The following C4orf51 variants were observed in gnomAD, a reference collection of about 807,000 sequenced individuals.
C4orf51 encodes uncharacterized protein C4orf51.
In C4orf51, 25 loss-of-function variants were observed where a neutral mutation model predicts 25.2. The ratio of observed to expected loss-of-function variants is 0.99; its 90% CI spans 0.72 to 1.39. The LOEUF is 1.39. Ranked by LOEUF, C4orf51 falls within the 40% of genes most tolerant of loss-of-function variation. C4orf51 has a pLI of 0.00. For synonymous variants in C4orf51, 100 were observed against 84.5 expected (o/e 1.18, Z -1.01); for missense variants, 252 against 239.6 (o/e 1.05, Z -0.34).
chr4:145,765,830 C>A lies in C4orf51; in HGVS notation n.167-5158C>A. ...GGTGACGAGTTGAGTCTCATGGATGCATCATCATTCTGGGGGCACAGGCTC... is the reference window on the plus strand; with the variant it reads ...GGTGACGAGTTGAGTCTCATGGATGAATCATCATTCTGGGGGCACAGGCTC... On this transcript the variant is annotated intron_variant and non_coding_transcript_variant, in intron 1 of 1. Coordinates refer to the C4orf51 transcript ENST00000510096. The surrounding 1 kb of genome is among the most constrained non-coding windows in gnomAD (Gnocchi z 4.7). The A allele has an allele frequency of 7.6e-7, 1 of 1,310,196 alleles. No homozygotes were observed. Among genetic ancestry groups the A allele is most frequent in the Non-Finnish European group, 1.0e-6 (1 of 954,794 alleles). The allele number at this position is 1,310,196 out of a possible 1,614,324, so 81.2% of individuals were successfully genotyped here.
chr4:145,761,126 C>T lies in C4orf51; in HGVS notation n.167-9862C>T. On this transcript the variant is annotated intron_variant and non_coding_transcript_variant, in intron 1 of 1. Coordinates refer to the C4orf51 transcript ENST00000510096. The surrounding 1 kb of genome is among the most constrained non-coding windows in gnomAD (Gnocchi z 6.8). ...GAGCTCCCGACCACCAGGAGCGGGG[C>T]CCCCGGGCCGGCCGGTTCCTTGGGG... 1 of 1,289,492 alleles carries T rather than the reference C, an allele frequency of 7.8e-7. No individual in the cohort carries two copies. The highest frequency in any genetic ancestry group is 1.0e-6 in the Non-Finnish European group (1 of 988,644). The allele number at this position is 1,289,492 out of a possible 1,614,324, so 79.9% of individuals were successfully genotyped here. A position where few individuals can be genotyped will look rare whatever the true frequency, so the allele number is the denominator to read the frequency against.
At chr4:145,710,821 C>G (rs903342075) in intron 2 of C4orf51, among the ~76,000 whole-genome samples, 3 of 151,936 alleles carry the variant, frequency 2.0e-5, no homozygotes, top group African/African-American at 7.3e-5. Flanking sequence ...GTAGGGAGCC[C>G]TCTCCTGTTC....
At position 145,748,932 on chromosome 4, in the gene C4orf51, G is replaced by C. The variant is rs542034326; in HGVS notation, n.168-5275G>C. Among the ~76,000 whole-genome samples, 21 of 152,030 alleles carry C rather than the reference G, an allele frequency of 1.4e-4. No individual in the cohort carries two copies. In the South Asian group the frequency reaches 4.1e-3, roughly 30 times the overall value. ...TTCAATGTTTAGTTGTTAATTTTCT[G>C]TCTGGAAGATATATCCAACGCTGAA... On this transcript the variant is annotated intron_variant and non_coding_transcript_variant, in intron 1 of 1. Transcript: ENST00000508981.
chr4:145,742,787 G>T (rs1367748212), intron 1 of C4orf51, among the ~76,000 whole-genome samples: 1 of 152,012 alleles, frequency 6.6e-6, no homozygotes, highest in Admixed American at 6.5e-5. Context: ...TGATCTACCC[G>T]CCTCGGCCTC....
chr4:145,761,329 C>G lies in C4orf51; in HGVS notation n.167-9659C>G. The G allele has an allele frequency of 7.8e-7, 1 of 1,289,956 alleles. No homozygotes were observed. The highest frequency in any genetic ancestry group is 1.0e-6 in the Non-Finnish European group (1 of 988,894). The allele number at this position is 1,289,956 out of a possible 1,614,324, so 79.9% of individuals were successfully genotyped here. A position where few individuals can be genotyped will look rare whatever the true frequency, so the allele number is the denominator to read the frequency against. On this transcript the variant is annotated intron_variant and non_coding_transcript_variant, in intron 1 of 1. Coordinates refer to the C4orf51 transcript ENST00000510096. The surrounding 1 kb of genome is among the most constrained non-coding windows in gnomAD (Gnocchi z 6.8). Reference sequence around the variant, plus strand: ...GTTGAGATTGTCCTTGCGCTTGCAGCTGTAGCTGCACTGGTCACAGTGGAA... The same window carrying G: ...GTTGAGATTGTCCTTGCGCTTGCAGGTGTAGCTGCACTGGTCACAGTGGAA...
In C4orf51 at chr4:145,742,140, C is replaced by T. The variant is rs529920182; in HGVS notation, n.167+9521C>T. ...TCTAACCTGTCATTGAATCTGCATCCTTAAAGATCACCAATGGCCATCAAA... is the reference window on the plus strand; with the variant it reads ...TCTAACCTGTCATTGAATCTGCATCTTTAAAGATCACCAATGGCCATCAAA... On this transcript the variant is annotated intron_variant and non_coding_transcript_variant, in intron 1 of 1. Coordinates refer to the C4orf51 transcript ENST00000508981. Among the ~76,000 whole-genome samples, 3 of 152,332 alleles carry T rather than the reference C, an allele frequency of 2.0e-5. No homozygotes were observed. In the East Asian group the frequency reaches 5.8e-4, roughly 29 times the overall value.
At chr4:145,692,524 A>C (rs899768134) in intron 1 of C4orf51, among the ~76,000 whole-genome samples, 3 of 152,178 alleles carry the variant, frequency 2.0e-5, no homozygotes, top group African/African-American at 7.2e-5. Flanking sequence ...TGCACTTTTA[A>C]ATTCATACGC....
chr4:145,751,501 G>A (rs1295033904), intron 1 of C4orf51, among the ~76,000 whole-genome samples: 1 of 152,194 alleles, frequency 6.6e-6, no homozygotes, highest in East Asian at 1.9e-4. Flanking sequence ...GTCTCTGTGT[G>A]TGTTCTGAGC....
the C4orf51 span, among the ~76,000 whole-genome samples, chr4:145,788,584 A>G: frequency 3.9e-5 from 6 of 152,266 alleles, no homozygotes; most frequent in African/African-American, 1.4e-4. Flanking sequence ...CTTATTGAAT[A>G]AATGATATAA....
intron 3 of C4orf51, among the ~76,000 whole-genome samples, chr4:145,727,908 T>TAG (rs1732163048): frequency 1.9e-5 from 2 of 107,990 alleles, no homozygotes; most frequent in Middle Eastern, 4.4e-3. Context: ...TATATATATA[T>TAG]ATATATATAT....
downstream of C4orf51, among the ~76,000 whole-genome samples, chr4:145,773,110 G>GA (rs1274935736): frequency 6.6e-6 from 1 of 151,712 alleles, no homozygotes; most frequent in African/African-American, 2.4e-5. Flanking sequence ...ACAGAAAGGA[G>GA]AAAAAAAAGA....
intron 2 of C4orf51, among the ~76,000 whole-genome samples, chr4:145,702,382 C>G (rs1730510910): frequency 6.6e-6 from 1 of 152,014 alleles, no homozygotes. Context: ...TCATCCCAGC[C>G]TCTCTTTGCC....
chr4:145,767,674 C>T (rs1735518383), intron 1 of C4orf51, among the ~76,000 whole-genome samples: 1 of 152,196 alleles, frequency 6.6e-6, no homozygotes, highest in African/African-American at 2.4e-5. Flanking sequence ...GGATTTCTCA[C>T]TGGACACTAT....
At chr4:145,702,868 TACC>T (rs199548500) in intron 2 of C4orf51, among the ~76,000 whole-genome samples, 52,517 of 149,358 alleles carry the variant, frequency 0.35, 9,207 homozygotes, top group Admixed American at 0.48. Context: ...TATCACCCCT[TACC>T]ACAAGACCTC....
chr4:145,787,935 A>G, the C4orf51 span, among the ~76,000 whole-genome samples: 1 of 152,172 alleles, frequency 6.6e-6, no homozygotes, highest in Admixed American at 6.5e-5. Flanking sequence ...CAAACCCAAG[A>G]TCAAGGAGGA....
intron 1 of C4orf51, among the ~76,000 whole-genome samples, chr4:145,742,062 C>A (rs1346680550): frequency 6.6e-6 from 1 of 152,136 alleles, no homozygotes; most frequent in Non-Finnish European, 1.5e-5. Flanking sequence ...CTCTTTGTTG[C>A]CAGCATCTCA....
intron 1 of C4orf51, among the ~76,000 whole-genome samples, chr4:145,681,363 C>CA (rs1463914363): frequency 6.6e-6 from 1 of 152,190 alleles, no homozygotes; most frequent in Non-Finnish European, 1.5e-5. Context: ...TCCAAATCAT[C>CA]AAAACAAGTA....
chr4:145,693,607 G>C (rs1447629721), intron 1 of C4orf51, among the ~76,000 whole-genome samples: 2 of 146,274 alleles, frequency 1.4e-5, no homozygotes, highest in African/African-American at 5.1e-5. Context: ...CAGTAGGGGC[G>C]GCCGGGCAGA....
chr4:145,683,974 T>C (rs561688688), intron 1 of C4orf51, among the ~76,000 whole-genome samples: 1 of 152,234 alleles, frequency 6.6e-6, no homozygotes, highest in South Asian at 2.1e-4. Flanking sequence ...AACCACAGAC[T>C]GGAAGGAAAT....
Sources: allele counts gnomAD v4.1 joint callset (sites outside exome capture counted in the v4.1 genomes callset), GRCh38; gene constraint gnomAD v4.1.1; non-coding constraint Gnocchi (gnomAD v3.1); transcripts MANE v1.5; gene names NCBI Gene and HGNC (gene_info 2026-07-23, HGNC 2026-07-21).